The following ZNF708 variants were observed in gnomAD, a reference collection of about 807,000 sequenced individuals.
ZNF708 encodes ZNF15, ZNF15L1.
A neutral mutation model predicts 47.0 loss-of-function variants in ZNF708; 44 were observed. That is an observed-to-expected ratio of 0.94 (90% confidence interval 0.74 to 1.20). The LOEUF (loss-of-function observed/expected upper bound fraction) is 1.20. Among genes scored for constraint, ZNF708 ranks in the 50% most tolerant of loss-of-function variants. The pLI, the probability that ZNF708 is intolerant of heterozygous loss-of-function variation, is 0.00. For synonymous variants in ZNF708, 184 were observed against 218.5 expected (o/e 0.84, Z 1.39); for missense variants, 557 against 656.0 (o/e 0.85, Z 1.65).
At chr19:21,313,795 A>G (rs530873705) in intron 1 of ZNF708, among the ~76,000 whole-genome samples, 25 of 151,474 alleles carry the variant, frequency 1.7e-4, no homozygotes, top group Non-Finnish European at 3.1e-4. Context: ...ATAAAAGCCT[A>G]ATACAGACAG....
Position 21,291,406 on chromosome 19 carries a change from G to C in ZNF708, c.*1868C>G, listed in dbSNP as rs1568341116. The C allele has an allele frequency of 6.6e-6, 1 of 151,810 alleles. No individual in the cohort carries two copies. The highest frequency in any genetic ancestry group is 1.5e-5 in the Non-Finnish European group (1 of 67,980). 9.4% of individuals were successfully genotyped at this position (151,810 alleles called of 1,614,324 possible). On this transcript the variant is annotated 3_prime_UTR_variant, in exon 4 of 4. Coordinates refer to ENST00000356929, the MANE Select transcript of ZNF708 (RefSeq NM_021269.3). ...TTCCAAAGAAAAGGTCATAAATAAT[G>C]CCCACCTAAAAAAAAAGAAACTCTC...
chr19:21,295,827 AG>A (rs1972516741), intron 3 of ZNF708, among the ~76,000 whole-genome samples: 1 of 152,294 alleles, frequency 6.6e-6, no homozygotes, highest in South Asian at 2.1e-4. Context: ...ATATTAGGGC[AG>A]GATGACCCCA....
Position 21,293,096 on chromosome 19 carries a change from T to C in ZNF708, c.*178A>G. On this transcript the variant is annotated 3_prime_UTR_variant, in exon 4 of 4. Coordinates refer to ENST00000356929, the MANE Select transcript of ZNF708 (RefSeq NM_021269.3). ...TAAGATTTAGGGACCAGTTAAATGC[T>C]TTGCCACATTCTTTACATTTGTAGG... The C allele has an allele frequency of 1.1e-6, 1 of 893,410 alleles. No homozygotes were observed. The highest frequency in any genetic ancestry group is 1.7e-6 in the Non-Finnish European group (1 of 577,584). 55.3% of individuals were successfully genotyped at this position (893,410 alleles called of 1,614,324 possible). A position where few individuals can be genotyped will look rare whatever the true frequency, so the allele number is the denominator to read the frequency against.
intron 3 of ZNF708, among the ~76,000 whole-genome samples, chr19:21,296,515 T>C (rs1046551188): frequency 6.6e-6 from 1 of 151,438 alleles, no homozygotes; most frequent in African/African-American, 2.4e-5. Context: ...AATAAATAAA[T>C]AAATAAATAA....
intron 1 of ZNF708, among the ~76,000 whole-genome samples, chr19:21,312,060 C>G (rs1159988128): frequency 6.6e-6 from 1 of 151,992 alleles, no homozygotes; most frequent in Non-Finnish European, 1.5e-5. Context: ...TTTGGGGGGC[C>G]AAGGGGGGTG....
chr19:21,301,753 C>T (rs1234325081), intron 3 of ZNF708, among the ~76,000 whole-genome samples: 1 of 152,112 alleles, frequency 6.6e-6, no homozygotes, highest in African/African-American at 2.4e-5. Context: ...GCCGAGATCA[C>T]ATCACTGCAC....
chr19:21,325,947 C>A (rs1013514060), intron 1 of ZNF708, among the ~76,000 whole-genome samples: 1 of 152,072 alleles, frequency 6.6e-6, no homozygotes, highest in Admixed American at 6.6e-5. Context: ...AAATGGCCAA[C>A]AAACATATGA....
intron 3 of ZNF708, among the ~76,000 whole-genome samples, chr19:21,305,666 T>C (rs1277418773): frequency 6.6e-6 from 1 of 151,924 alleles, no homozygotes; most frequent in East Asian, 1.9e-4. Context: ...TTTCACCATG[T>C]TCTCCAGGAT....
At chr19:21,325,802 T>A (rs984280469) in intron 1 of ZNF708, among the ~76,000 whole-genome samples, 1 of 152,146 alleles carries the variant, frequency 6.6e-6, no homozygotes, top group Non-Finnish European at 1.5e-5. Flanking sequence ...AGAAAAAATC[T>A]TCACAATCTA....
intron 3 of ZNF708, among the ~76,000 whole-genome samples, chr19:21,296,004 A>T (rs1171630228): frequency 6.6e-6 from 1 of 152,174 alleles, no homozygotes; most frequent in Non-Finnish European, 1.5e-5. Flanking sequence ...AAAAATCTCA[A>T]AAAACATAAA....
intron 2 of ZNF708, 91 bp from the exon 3 acceptor site, chr19:21,309,432 G>C (rs1972852691): frequency 1.6e-6 from 2 of 1,227,316 alleles, no homozygotes; most frequent in African/African-American, 1.6e-5. Flanking sequence ...TGTAGGCCAG[G>C]CACAGTGGCT....
chr19:21,294,011 G>C lies in ZNF708; in HGVS notation c.955C>G (p.Leu319Val). 1 of 1,608,302 alleles carries C rather than the reference G, an allele frequency of 6.2e-7. No homozygotes were observed. Among genetic ancestry groups the C allele is most frequent in the Non-Finnish European group, 8.5e-7 (1 of 1,178,042 alleles). The part of the protein sequence containing the change: ...KCGECGKAFT[L>V]SSHLTTHKRI... ...TTATGTGTAGTAAGGTGTGAAGATA[G>C]GGTAAAGGCTTTGCCACATTCTCCA... The change falls in exon 4 of 4, where the codon CTA (leucine) becomes GTA (valine). Residue 319 changes from leucine (L) to valine (V), a missense_variant. Coordinates refer to ENST00000356929, the MANE Select transcript of ZNF708 (RefSeq NM_021269.3).
At chr19:21,296,707 T>C (rs1245767325) in intron 3 of ZNF708, among the ~76,000 whole-genome samples, 1 of 152,108 alleles carries the variant, frequency 6.6e-6, no homozygotes, top group Non-Finnish European at 1.5e-5. Flanking sequence ...CTGGGAAAGA[T>C]ATTTACATAC....
rs529220594 is a variant in ZNF708 at position 21,327,239 on chromosome 19, A to T, written c.3+1971T>A. On this transcript the variant is annotated intron_variant, in intron 1 of 3. Transcript: ENST00000356929. ...AGTGGTAGTGCTAATTAGAAAACAG[A>T]TGTGTCTAGACCGGGCGCGGTGGCT... is the stretch of plus-strand genomic sequence containing the variant. Among the ~76,000 whole-genome samples the T allele has an allele frequency of 4.5e-4, 68 of 151,988 alleles. 2 individuals carry two copies. In the South Asian group the frequency reaches 0.014, roughly 32 times the overall value.
intron 3 of ZNF708, among the ~76,000 whole-genome samples, chr19:21,299,371 A>G (rs1972607848): frequency 6.6e-6 from 1 of 152,050 alleles, no homozygotes; most frequent in African/African-American, 2.4e-5. Flanking sequence ...ACACAAAAAA[A>G]CAGATTTAGC....
In ZNF708 at chr19:21,292,927, G is replaced by C. The variant is rs1568341997; in HGVS notation, c.*347C>G. On this transcript the variant is annotated 3_prime_UTR_variant, in exon 4 of 4. Transcript: ENST00000356929. ...CAATCAAGTGTGACAATCATTTAAA[G>C]ATTTTGTCACATTTTTCGCATTTTT... is the stretch of plus-strand genomic sequence containing the variant. The C allele has an allele frequency of 1.0e-5, 2 of 197,974 alleles. No individual in the cohort carries two copies. The highest frequency in any genetic ancestry group is 2.1e-5 in the Non-Finnish European group (2 of 95,880). The allele number at this position is 197,974 out of a possible 1,614,324, so 12.3% of individuals were successfully genotyped here.
chr19:21,302,764 A>T lies in ZNF708; in HGVS notation c.226+6482T>A, dbSNP rs76688270. ...TTTTATGTAATCTCCATTTCTCAAG[A>T]CAATTACAAAGATAATATTTATCGA... On this transcript the variant is annotated intron_variant, in intron 3 of 3. Transcript: ENST00000356929. Among the ~76,000 whole-genome samples the T allele has an allele frequency of 6.8e-3, 1,041 of 152,186 alleles. 8 individuals carry two copies. The highest frequency in any genetic ancestry group is 0.024 in the African/African-American group (1,006 of 41,542).
intron 1 of ZNF708, among the ~76,000 whole-genome samples, chr19:21,314,278 G>A (rs765368110): frequency 1.3e-5 from 2 of 152,004 alleles, no homozygotes; most frequent in South Asian, 4.2e-4. Context: ...CAGCGTTTGC[G>A]TAATTTTAAT....
chr19:21,293,268 G>A lies in ZNF708; in HGVS notation c.*6C>T. On this transcript the variant is annotated 3_prime_UTR_variant, in exon 4 of 4. Coordinates refer to ENST00000356929, the MANE Select transcript of ZNF708 (RefSeq NM_021269.3). The stretch of plus-strand genomic sequence containing the variant: ...AAGTTGAAAATACACTAAAGGATTT[G>A]ACACATTATTTACATTTGTAGGGTT... The A allele has an allele frequency of 6.3e-7, 1 of 1,596,844 alleles. No individual in the cohort carries two copies. The highest frequency in any genetic ancestry group is 8.5e-7 in the Non-Finnish European group (1 of 1,173,336).
Sources: allele counts gnomAD v4.1 joint callset (sites outside exome capture counted in the v4.1 genomes callset), GRCh38; gene constraint gnomAD v4.1.1; transcripts MANE v1.5; gene names NCBI Gene and HGNC (gene_info 2026-07-23, HGNC 2026-07-21).